The following C1orf21 variants were observed in gnomAD, a reference collection of about 807,000 sequenced individuals.
C1orf21 encodes uncharacterized protein C1orf21.
Under a neutral mutation model 18.7 loss-of-function variants are expected in C1orf21, and 3 were observed. The observed-to-expected ratio is 0.16, with a 90% CI of 0.07 to 0.42. The LOEUF is 0.42. C1orf21 is among the 10% of genes least tolerant of loss of function. The pLI is 0.99. For missense variants in C1orf21, 104 were observed against 143.6 expected (o/e 0.72, Z 1.41); for synonymous variants, 41 against 46.4 (o/e 0.88, Z 0.47).
chr1:184,565,336 T>G (rs116209752), intron 3 of C1orf21, among the ~76,000 whole-genome samples: 1,646 of 152,364 alleles, frequency 0.011, 13 homozygotes, highest in Middle Eastern at 0.017. Context: ...AATAGTGTTT[T>G]ATGAGAGAAA....
chr1:184,495,043 G>A (rs971560073), intron 2 of C1orf21, among the ~76,000 whole-genome samples: 2 of 152,310 alleles, frequency 1.3e-5, no homozygotes, highest in Non-Finnish European at 2.9e-5. Context: ...GCATGTCATC[G>A]TCACACAGTG....
Position 184,451,892 on chromosome 1 carries a change from T to G in C1orf21, c.-124-25494T>G, listed in dbSNP as rs151226159. Among the ~76,000 whole-genome samples, 425 of 152,356 alleles carry G rather than the reference T, an allele frequency of 2.8e-3. 3 individuals are homozygous for G. The highest frequency in any genetic ancestry group is 0.02 in the Middle Eastern group (6 of 294). On this transcript the variant is annotated intron_variant, in intron 1 of 5. Coordinates refer to ENST00000235307, the MANE Select transcript of C1orf21 (RefSeq NM_030806.4). ...TAAACTTAATGAGCAAATGCTCCAT[T>G]GAGTGATTATATCCTTTATAAATAA...
intron 3 of C1orf21, among the ~76,000 whole-genome samples, chr1:184,528,751 T>C (rs2101972178): frequency 6.6e-6 from 1 of 152,338 alleles, no homozygotes; most frequent in South Asian, 2.1e-4. Context: ...AGTCATTGTG[T>C]TAAATTTTAA....
intron 1 of C1orf21, among the ~76,000 whole-genome samples, chr1:184,440,495 A>G (rs974425795): frequency 2.0e-5 from 3 of 150,012 alleles, no homozygotes; most frequent in Non-Finnish European, 4.4e-5. Flanking sequence ...CAGGTGATCC[A>G]CCTGCCTCAG....
chr1:184,529,107 T>C (rs1009123316), intron 3 of C1orf21, among the ~76,000 whole-genome samples: 2 of 152,192 alleles, frequency 1.3e-5, no homozygotes, highest in African/African-American at 4.8e-5. Flanking sequence ...GCCGATTTAC[T>C]TAAGAGTAAA....
At chr1:184,553,562 C>T (rs148786216) in intron 3 of C1orf21, among the ~76,000 whole-genome samples, 3 of 152,208 alleles carry the variant, frequency 2.0e-5, no homozygotes, top group African/African-American at 7.2e-5. Flanking sequence ...CTTTGGGCAC[C>T]GTTTGTTGGA....
intron 3 of C1orf21, among the ~76,000 whole-genome samples, chr1:184,553,239 G>T (rs139500203): frequency 2.0e-4 from 30 of 152,104 alleles, no homozygotes; most frequent in African/African-American, 6.5e-4. Context: ...TAAGTCCAAG[G>T]GGGGGAGAAA....
chr1:184,400,392 A>G (rs909764887), intron 1 of C1orf21, among the ~76,000 whole-genome samples: 2 of 151,944 alleles, frequency 1.3e-5, no homozygotes, highest in African/African-American at 4.8e-5. Context: ...TCAGATATAT[A>G]TGTGTGTGTG....
intron 1 of C1orf21, among the ~76,000 whole-genome samples, chr1:184,446,499 A>C (rs1214870823): frequency 6.6e-6 from 1 of 152,182 alleles, no homozygotes; most frequent in East Asian, 1.9e-4. Flanking sequence ...TCCAAGTGCC[A>C]ATCTGCAGGA....
In C1orf21 at chr1:184,627,148, G is replaced by C. The variant is rs1178289565; in HGVS notation, c.*7592G>C. 1 of 152,506 alleles carries C rather than the reference G, an allele frequency of 6.6e-6. No homozygotes were observed. Among genetic ancestry groups the C allele is most frequent in the East Asian group, 1.9e-4 (1 of 5,180 alleles). The allele number at this position is 152,506 out of a possible 1,614,324, so 9.4% of individuals were successfully genotyped here. A position where few individuals can be genotyped will look rare whatever the true frequency, so the allele number is the denominator to read the frequency against. On this transcript the variant is annotated 3_prime_UTR_variant, in exon 6 of 6. Coordinates refer to ENST00000235307, the MANE Select transcript of C1orf21 (RefSeq NM_030806.4). ...TAGACAGCTGTGGAGGGAAGACCTC[G>C]TGGGTACCTGGAGGCTGCCAGAGCT... is the stretch of plus-strand genomic sequence containing the variant.
chr1:184,590,959 C>T (rs1659428565), intron 4 of C1orf21, 144 bp downstream of exon 4: 5 of 708,056 alleles, frequency 7.1e-6, no homozygotes, highest in East Asian at 2.7e-5. Flanking sequence ...TTGAACTTGC[C>T]GCACACCAAG....
At chr1:184,543,237 C>T (rs1240970009) in intron 3 of C1orf21, among the ~76,000 whole-genome samples, 2 of 152,040 alleles carry the variant, frequency 1.3e-5, no homozygotes, top group African/African-American at 2.4e-5. Context: ...GTGGTCCCAC[C>T]TACTCTGGAG....
At chr1:184,437,394 A>G (rs540637754) in intron 1 of C1orf21, among the ~76,000 whole-genome samples, 1 of 152,246 alleles carries the variant, frequency 6.6e-6, no homozygotes, top group African/African-American at 2.4e-5. Context: ...AGTTCCACCC[A>G]GACCTTCCCT....
At chr1:184,486,677 A>G (rs1657736857) in intron 2 of C1orf21, among the ~76,000 whole-genome samples, 1 of 152,190 alleles carries the variant, frequency 6.6e-6, no homozygotes, top group Admixed American at 6.5e-5. Flanking sequence ...GAAAGTTAAG[A>G]AATGCTCTAT....
At chr1:184,562,701 C>G (rs1480354358) in intron 3 of C1orf21, among the ~76,000 whole-genome samples, 1 of 152,202 alleles carries the variant, frequency 6.6e-6, no homozygotes, top group African/African-American at 2.4e-5. Context: ...ATTAAAAGTG[C>G]TGCAAACTTG....
At chr1:184,568,372 ACTC>A (rs148172331) in intron 3 of C1orf21, 85,366 of 464,646 alleles carry the variant, frequency 0.18, 8,736 homozygotes, top group African/African-American at 0.33. Context: ...TTAAACACTA[ACTC>A]CTCCTTCCTC....
chr1:184,585,716 C>T (rs969985534), intron 3 of C1orf21, among the ~76,000 whole-genome samples: 44 of 152,066 alleles, frequency 2.9e-4, no homozygotes, highest in African/African-American at 9.9e-4. Context: ...TGGGAACATG[C>T]GATATTTGGT....
At chr1:184,519,513 G>A (rs1390901994) in intron 3 of C1orf21, among the ~76,000 whole-genome samples, 2 of 152,126 alleles carry the variant, frequency 1.3e-5, no homozygotes, top group African/African-American at 4.8e-5. Flanking sequence ...TTATATGCAA[G>A]TGGCCCCATT....
intron 5 of C1orf21, among the ~76,000 whole-genome samples, chr1:184,603,046 A>G (rs1372723473): frequency 6.6e-6 from 1 of 152,232 alleles, no homozygotes; most frequent in East Asian, 1.9e-4. Flanking sequence ...GAAAATGCAC[A>G]AATCATATAC....
Sources: gnomAD v4.1 joint callset for allele counts (sites outside exome capture counted in the v4.1 genomes callset) on GRCh38, gnomAD v4.1.1 for gene constraint, MANE v1.5 for transcripts, NCBI Gene and HGNC (gene_info 2026-07-23, HGNC 2026-07-21) for gene names.